The following RXFP1 variants were observed in gnomAD, a reference collection of about 807,000 sequenced individuals.
RXFP1 encodes the protein relaxin family peptide receptor 1.
Under a neutral mutation model 89.8 loss-of-function variants are expected in RXFP1, and 73 were observed. The observed-to-expected ratio is 0.81, with a 90% CI of 0.67 to 0.99. RXFP1 has a LOEUF of 0.99. Among genes scored for constraint, RXFP1 ranks in the 50% least tolerant of loss-of-function variants. RXFP1 has a pLI of 0.00. For synonymous variants in RXFP1, 277 were observed against 305.5 expected, an observed-to-expected ratio of 0.91 and a Z score of 0.97; for missense variants, 793 against 895.5, an observed-to-expected ratio of 0.89 and a Z score of 1.46.
chr4:158,570,134 G>T (rs561523694), intron 1 of RXFP1, among the ~76,000 whole-genome samples: 74 of 152,238 alleles, frequency 4.9e-4, no homozygotes, highest in Non-Finnish European at 1.0e-3. Flanking sequence ...GGAAGTAAAA[G>T]AATATTTATC....
chr4:158,616,434 G>A (rs563095180), intron 8 of RXFP1, among the ~76,000 whole-genome samples: 54 of 150,540 alleles, frequency 3.6e-4, no homozygotes, highest in African/African-American at 1.0e-3. Context: ...TGTCTCAAAC[G>A]AAATAAATAA....
intron 14 of RXFP1, among the ~76,000 whole-genome samples, chr4:158,641,766 C>T (rs957441041): frequency 6.6e-6 from 1 of 152,084 alleles, no homozygotes; most frequent in African/African-American, 2.4e-5. Context: ...ATTTGAAGTT[C>T]AATTTGCATA....
rs557612138 is a variant in RXFP1 at position 158,623,550 on chromosome 4, A to G, written c.756-3270A>G. Among the ~76,000 whole-genome samples the G allele has an allele frequency of 1.0e-4, 15 of 149,946 alleles. No homozygotes were observed. In the South Asian group the frequency reaches 1.3e-3, roughly 13 times the overall value. On this transcript the variant is annotated intron_variant, in intron 9 of 17. Transcript: ENST00000307765. ...AAGATAATCCACTACTTCTCACTCC[A>G]TAAAAGATCAAGTAGAACCAAAATA...
chr4:158,634,055 G>A (rs1402294641), intron 12 of RXFP1, among the ~76,000 whole-genome samples: 1 of 152,076 alleles, frequency 6.6e-6, no homozygotes, highest in Non-Finnish European at 1.5e-5. Context: ...TAGAATTGCT[G>A]TTTCATACAT....
intron 11 of RXFP1, among the ~76,000 whole-genome samples, chr4:158,632,513 A>G (rs939454946): frequency 2.0e-5 from 3 of 152,150 alleles, no homozygotes; most frequent in Admixed American, 2.0e-4. Flanking sequence ...TTTTTCTTGT[A>G]TAAAAGAATC....
chr4:158,589,960 G>C (rs765861984), intron 2 of RXFP1, among the ~76,000 whole-genome samples: 4 of 152,064 alleles, frequency 2.6e-5, no homozygotes, highest in Non-Finnish European at 5.9e-5. Context: ...GCTGAGGTGA[G>C]AGGATCCCTT....
chr4:158,615,597 C>T (rs142170825), intron 8 of RXFP1, among the ~76,000 whole-genome samples: 15 of 151,694 alleles, frequency 9.9e-5, no homozygotes, highest in East Asian at 3.9e-4. Flanking sequence ...AAAACTACTG[C>T]GATAGTAACA....
chr4:158,638,150 T>C (rs1273090845), intron 13 of RXFP1, 71 bp downstream of exon 13: 2 of 833,612 alleles, frequency 2.4e-6, no homozygotes, highest in Admixed American at 5.1e-5. Context: ...TATATTTTTA[T>C]ATATTTACTT....
At chr4:158,630,782 T>C (rs559788264) in intron 11 of RXFP1, among the ~76,000 whole-genome samples, 11 of 152,320 alleles carry the variant, frequency 7.2e-5, no homozygotes, top group African/African-American at 2.4e-4. Flanking sequence ...TAAGAGTCGA[T>C]GGCTTTCATT....
At position 158,652,771 on chromosome 4, in the gene RXFP1, A is replaced by G. The variant is rs1772963465; in HGVS notation, c.*716A>G. On this transcript the variant is annotated 3_prime_UTR_variant, in exon 18 of 18. Coordinates refer to ENST00000307765, the MANE Select transcript of RXFP1 (RefSeq NM_021634.4). ...GGAATTGGAATAGGAGAGTATGAGT[A>G]CGGCAGAGAAGTGGATCAGAAAAAC... 2 of 152,254 alleles carry G rather than the reference A, an allele frequency of 1.3e-5. No individual in the cohort carries two copies. The highest frequency in any genetic ancestry group is 2.1e-4 in the South Asian group (1 of 4,836). 9.4% of individuals were successfully genotyped at this position (152,254 alleles called of 1,614,324 possible). A position where few individuals can be genotyped will look rare whatever the true frequency, so the allele number is the denominator to read the frequency against.
At chr4:158,529,443 G>T (rs925569225) in intron 1 of RXFP1, among the ~76,000 whole-genome samples, 16 of 151,956 alleles carry the variant, frequency 1.1e-4, no homozygotes. Context: ...ATTTTTTGTA[G>T]AGATGGGAGT....
intron 1 of RXFP1, among the ~76,000 whole-genome samples, chr4:158,541,998 C>G (rs1257911656): frequency 6.8e-6 from 1 of 147,836 alleles, no homozygotes; most frequent in African/African-American, 2.5e-5. Context: ...CAGCTCACCG[C>G]AACCTCCACC....
rs185769054 is a variant in RXFP1 at position 158,628,647 on chromosome 4, G to A, written c.837G>A (p.Arg279=). 104 of 1,549,412 alleles carry A rather than the reference G, an allele frequency of 6.7e-5. No homozygotes were observed. The East Asian group carries it at 2.2e-3, about 33-fold the overall frequency. The change falls in exon 11 of 18, where the codon AGG becomes AGA. Residue 279 remains arginine (R), a synonymous_variant. Transcript: ENST00000307765. Reference sequence around the variant, plus strand: ...TTCTTTTTACTTTCAGAGTGATGAGGAAAAACAAAATTAATCACTTAAATG... The same window carrying A: ...TTCTTTTTACTTTCAGAGTGATGAGAAAAAACAAAATTAATCACTTAAATG... ...SCSNLTVLVM[R]KNKINHLNEN...
At chr4:158,589,913 A>G (rs762564024) in intron 2 of RXFP1, among the ~76,000 whole-genome samples, 2 of 152,066 alleles carry the variant, frequency 1.3e-5, no homozygotes, top group Non-Finnish European at 2.9e-5. Context: ...TTAGCTGGGC[A>G]TAGTGGTATG....
In RXFP1 at chr4:158,575,325, C is replaced by CA. The variant is rs1187774624; in HGVS notation, c.187+2496dup. 3.3e-5 allele frequency among the ~76,000 whole-genome samples: 5 copies of CA among 151,674 alleles called. 1 individual carries two copies. The highest frequency in any genetic ancestry group is 5.9e-5 in the Non-Finnish European group (4 of 67,898). On this transcript the variant is annotated intron_variant, in intron 2 of 17. Coordinates refer to ENST00000307765, the MANE Select transcript of RXFP1 (RefSeq NM_021634.4). ...GTTAAACTCTAGCTATAAAGGGAGG[C>CA]AAAAAATGGCTTGTTTTCTTTTCTA...
Position 158,646,872 on chromosome 4 carries a change from C to G in RXFP1, c.1427C>G (p.Ala476Gly). ...TTTCGTGGAGAATACAATAAGCATG[C>G]GCAGCTGTGGATGGAGAGTACTCAT... is the stretch of plus-strand genomic sequence containing the variant. The part of the protein sequence containing the change: ...LKFRGEYNKH[A>G]QLWMESTHCQ... The change falls in exon 16 of 18, where the codon GCG becomes GGG. Residue 476 changes from alanine (A) to glycine (G), a missense_variant. By Grantham distance (60) the Ala-to-Gly change is moderately conservative. Coordinates refer to ENST00000307765, the MANE Select transcript of RXFP1 (RefSeq NM_021634.4). The G allele has an allele frequency of 1.9e-6, 3 of 1,614,014 alleles. No homozygotes were observed. Among genetic ancestry groups the G allele is most frequent in the Non-Finnish European group, 2.5e-6 (3 of 1,179,914 alleles).
At chr4:158,537,204 TG>T (rs749672648) in intron 1 of RXFP1, among the ~76,000 whole-genome samples, 3 of 152,130 alleles carry the variant, frequency 2.0e-5, no homozygotes, top group Non-Finnish European at 4.4e-5. Context: ...ACTACAGCTG[TG>T]GGGAATATAG....
At position 158,610,656 on chromosome 4, in the gene RXFP1, C is replaced by G. The variant is rs375472043; in HGVS notation, c.537-1474C>G. ...AGGTCCAGAGCAGTAAAGGATGGCT[C>G]TGAAAAATGAAGAGGACTGGGCAAA... On this transcript the variant is annotated intron_variant, in intron 6 of 17. Coordinates refer to ENST00000307765, the MANE Select transcript of RXFP1 (RefSeq NM_021634.4). 3.5e-5 allele frequency: 45 copies of G among 1,288,982 alleles called. No homozygotes were observed. In the South Asian group the frequency reaches 5.2e-4, roughly 15 times the overall value. The allele number at this position is 1,288,982 out of a possible 1,614,324, so 79.8% of individuals were successfully genotyped here. A position where few individuals can be genotyped will look rare whatever the true frequency, so the allele number is the denominator to read the frequency against.
In RXFP1 at chr4:158,617,117, T is replaced by C; in HGVS notation, c.681-14T>C. ...ACCAGAAAAATGTGACTTGTTTGTC[T>C]TTTCCTTTTTCAGAGTCCTGATGAA... On this transcript the variant is annotated splice_polypyrimidine_tract_variant and intron_variant, in intron 8 of 17. Transcript: ENST00000307765. The C allele has an allele frequency of 6.3e-7, 1 of 1,583,088 alleles. No individual in the cohort carries two copies. Among genetic ancestry groups the C allele is most frequent in the Non-Finnish European group, 8.6e-7 (1 of 1,159,936 alleles).
Sources: allele counts gnomAD v4.1 joint callset (sites outside exome capture counted in the v4.1 genomes callset), GRCh38; gene constraint gnomAD v4.1.1; transcripts MANE v1.5; gene names NCBI Gene and HGNC (gene_info 2026-07-23, HGNC 2026-07-21).